Variants in XIAP observed in about 807,000 individuals in gnomAD.
The protein encoded by XIAP is E3 ubiquitin-protein ligase XIAP.
Under a neutral mutation model 33.1 loss-of-function variants are expected in XIAP, and 3 were observed. The ratio of observed to expected loss-of-function variants is 0.09; its 90% CI spans 0.04 to 0.23. The LOEUF (loss-of-function observed/expected upper bound fraction) is 0.23, where lower values mean the gene tolerates loss of function less well. XIAP is among the 10% of genes least tolerant of loss of function. XIAP has a pLI of 1.00. For synonymous variants in XIAP, 98 were observed against 121.3 expected, an observed-to-expected ratio of 0.81 and a Z score of 1.26; for missense variants, 264 against 363.0, an observed-to-expected ratio of 0.73 and a Z score of 2.22.
At position 123,913,044 on chromosome X, in the gene XIAP, G is replaced by A. The variant is rs7065539; in HGVS notation, c.*5863G>A. The A allele has an allele frequency of 3.1e-6, 1 of 318,598 alleles. No homozygotes were observed. The highest frequency in any genetic ancestry group is 6.1e-6 in the Non-Finnish European group (1 of 164,545). The allele number at this position is 318,598 out of a possible 1,213,427, so 26.3% of individuals were successfully genotyped here. A position where few individuals can be genotyped will look rare whatever the true frequency, so the allele number is the denominator to read the frequency against. ...GATCTGCCTGCCTCGGCCTCACAAA[G>A]TGCTGGGATTACAGGTGTGAACCAC... On this transcript the variant is annotated 3_prime_UTR_variant, in exon 7 of 7. Coordinates refer to ENST00000371199, the MANE Select transcript of XIAP (RefSeq NM_001167.4).
At chrX:123,886,802 G>A (rs183285811) in intron 2 of XIAP, among the ~76,000 whole-genome samples, 186 of 111,499 alleles carry the variant, frequency 1.7e-3, no homozygotes, top group Non-Finnish European at 2.6e-3. Context: ...GCAAAAGATG[G>A]TAGACATCCC....
intron 6 of XIAP, among the ~76,000 whole-genome samples, chrX:123,902,625 A>G (rs2053523612): frequency 9.0e-6 from 1 of 111,594 alleles, no homozygotes; most frequent in Non-Finnish European, 1.9e-5. Flanking sequence ...AATAGTACCG[A>G]ATCAGTATCT....
At chrX:123,904,605 T>A (rs982435736) in intron 6 of XIAP, among the ~76,000 whole-genome samples, 1 of 104,117 alleles carries the variant, frequency 9.6e-6, no homozygotes, top group African/African-American at 3.4e-5. Context: ...GGTAGAGTTT[T>A]GTTTTGTTTT....
chrX:123,901,732 A>AT (rs1376354527), intron 6 of XIAP, among the ~76,000 whole-genome samples: 1 of 111,459 alleles, frequency 9.0e-6, no homozygotes, highest in Non-Finnish European at 1.9e-5. Context: ...AAAGCTTCCA[A>AT]TTTTTTCCTT....
rs2053344360 is a variant in XIAP, at chrX:123,885,666, A to G, written c.4A>G (p.Thr2Ala). 1.7e-6 allele frequency: 2 copies of G among 1,208,509 alleles called. No homozygotes were observed. Among genetic ancestry groups the G allele is most frequent in the Non-Finnish European group, 2.2e-6 (2 of 894,690 alleles). The change falls in exon 2 of 7, where the codon ACT (threonine) becomes GCT (alanine). Residue 2 changes from threonine (T) to alanine (A), a missense_variant. Coordinates refer to ENST00000371199, the MANE Select transcript of XIAP (RefSeq NM_001167.4). ...CAAGTCCTATTTTCAAGAGAAGATG[A>G]CTTTTAACAGTTTTGAAGGATCTAA... M[T>A]FNSFEGSKTC...
At chrX:123,903,675 A>C (rs2053536128) in intron 6 of XIAP, among the ~76,000 whole-genome samples, 1 of 103,834 alleles carries the variant, frequency 9.6e-6, no homozygotes, top group South Asian at 4.2e-4. Flanking sequence ...TTGTGATAAA[A>C]TACACATACA....
At chrX:123,882,915 A>T (rs1446163077) in intron 1 of XIAP, among the ~76,000 whole-genome samples, 1 of 110,790 alleles carries the variant, frequency 9.0e-6, no homozygotes, top group Non-Finnish European at 1.9e-5. Context: ...AGTAGCTGGG[A>T]TTACAGGCAT....
chrX:123,893,418 G>A (rs1237967645), intron 5 of XIAP, among the ~76,000 whole-genome samples: 1 of 109,995 alleles, frequency 9.1e-6, no homozygotes, highest in African/African-American at 3.3e-5. Flanking sequence ...ACGTACTTGG[G>A]AGGCTGAGGC....
intron 3 of XIAP, among the ~76,000 whole-genome samples, chrX:123,890,283 TG>T (rs1430155353): frequency 1.9e-5 from 2 of 104,785 alleles, no homozygotes; most frequent in Non-Finnish European, 3.9e-5. Flanking sequence ...CCCAAAGTGC[TG>T]GGATTACAGG....
rs758057572 is a variant in XIAP at position 123,886,500 on chromosome X, A to C, written c.838A>C (p.Asn280His). 1.9e-5 allele frequency: 23 copies of C among 1,204,052 alleles called. No individual in the cohort carries two copies. Among genetic ancestry groups the C allele is most frequent in the South Asian group, 1.4e-4 (8 of 56,881 alleles). Residue 280 changes from asparagine to histidine, a missense_variant, in exon 2 of 7, where the codon AAC becomes CAC. Physicochemically the swap from Asn to His is moderately conservative, Grantham distance 68 (BLOSUM62 1). Transcript: ENST00000371199. ...FTFGTWIYSVNKEQLARAGFY... is the reference protein window; with the variant it reads ...FTFGTWIYSVHKEQLARAGFY... Reference sequence around the variant, plus strand: ...TTTTGGGACATGGATATACTCAGTTAACAAGGAGCAGCTTGCAAGAGCTGG... The same window carrying C: ...TTTTGGGACATGGATATACTCAGTTCACAAGGAGCAGCTTGCAAGAGCTGG...
At chrX:123,898,750 C>T (rs1448661050) in intron 5 of XIAP, among the ~76,000 whole-genome samples, 1 of 107,060 alleles carries the variant, frequency 9.3e-6, no homozygotes, top group African/African-American at 3.4e-5. Context: ...CCTTGGCCTC[C>T]CCAAAGTGCT....
intron 1 of XIAP, among the ~76,000 whole-genome samples, chrX:123,863,267 A>T (rs962404652): frequency 1.8e-5 from 2 of 110,353 alleles, no homozygotes; most frequent in Non-Finnish European, 3.8e-5. Context: ...CCTGGCTAAC[A>T]TGGTGAAACC....
At chrX:123,885,139 CAT>C (rs1259109342) in intron 1 of XIAP, among the ~76,000 whole-genome samples, 5 of 111,337 alleles carry the variant, frequency 4.5e-5, no homozygotes, top group East Asian at 2.8e-4. Flanking sequence ...ATGATTAAAA[CAT>C]ATTTTGCTAA....
At position 123,860,244 on chromosome X, in the gene XIAP, T is replaced by A. The variant is rs1272025347; in HGVS notation, c.-82T>A. 3.0e-6 allele frequency: 1 copy of A among 329,856 alleles called. No individual in the cohort carries two copies. The highest frequency in any genetic ancestry group is 9.7e-5 in the East Asian group (1 of 10,315). 27.2% of individuals were successfully genotyped at this position (329,856 alleles called of 1,213,427 possible). On this transcript the variant is annotated 5_prime_UTR_variant, in exon 1 of 7. Coordinates refer to ENST00000371199, the MANE Select transcript of XIAP (RefSeq NM_001167.4). ...CGCGCCTCCTCCGGGACCCTCCCCT[T>A]GGACCGAGCCGATCGCCGCGGGGCA...
At chrX:123,870,275 T>G (rs759334654) in intron 1 of XIAP, among the ~76,000 whole-genome samples, 1 of 100,663 alleles carries the variant, frequency 9.9e-6, no homozygotes, top group East Asian at 3.0e-4. Context: ...ATTGAAAATT[T>G]TTAGTTTAAA....
In XIAP at chrX:123,860,328, G is replaced by C. The variant is rs750736414; in HGVS notation, c.-33+35G>C. On this transcript the variant is annotated intron_variant, in intron 1 of 6. Transcript: ENST00000371199. The stretch of plus-strand genomic sequence containing the variant: ...GCTTGTGTAGGCTTTCCCCTCCCCC[G>C]CTTTCCCTCCTTCCCCTCTCCTCCC... The C allele has an allele frequency of 4.0e-4, 131 of 325,489 alleles. No individual in the cohort carries two copies. In the Middle Eastern group the frequency reaches 4.9e-3, roughly 12 times the overall value. 26.8% of individuals were successfully genotyped at this position (325,489 alleles called of 1,213,427 possible). A position where few individuals can be genotyped will look rare whatever the true frequency, so the allele number is the denominator to read the frequency against.
intron 1 of XIAP, among the ~76,000 whole-genome samples, chrX:123,884,742 A>T (rs920161645): frequency 1.8e-5 from 2 of 111,230 alleles, no homozygotes; most frequent in Non-Finnish European, 3.8e-5. Context: ...GGTTTGGAGG[A>T]TAAATTATCT....
chrX:123,910,867 CAAAAAA>C lies in XIAP; in HGVS notation c.*3697_*3702del. 1 of 243,692 alleles carries C rather than the reference CAAAAAA, an allele frequency of 4.1e-6. No individual in the cohort carries two copies. The highest frequency in any genetic ancestry group is 7.3e-6 in the Non-Finnish European group (1 of 137,172). The allele number at this position is 243,692 out of a possible 1,213,427, so 20.1% of individuals were successfully genotyped here. A position where few individuals can be genotyped will look rare whatever the true frequency, so the allele number is the denominator to read the frequency against. ...TGGGCAACAGAGCAAGACTCTGTCT[CAAAAAA>C]AAAAAAAAAAGAAATAAGAAAATGG... On this transcript the variant is annotated 3_prime_UTR_variant, in exon 7 of 7. Transcript: ENST00000371199.
chrX:123,874,647 C>G (rs1263876785), intron 1 of XIAP: 7 of 107,411 alleles, frequency 6.5e-5, no homozygotes, highest in African/African-American at 2.4e-4. Flanking sequence ...GTAAATAGCA[C>G]TTTATGGAAC....
Sources: gnomAD v4.1 joint callset for allele counts (sites outside exome capture counted in the v4.1 genomes callset) on GRCh38, gnomAD v4.1.1 for gene constraint, MANE v1.5 for transcripts, NCBI Gene and HGNC (gene_info 2026-07-23, HGNC 2026-07-21) for gene names.